SBF2: variants seen among roughly 807,000 people sequenced by gnomAD.
SBF2 encodes SET binding factor 2.
Under a neutral mutation model 225.2 loss-of-function variants are expected in SBF2, and 112 were observed. The observed-to-expected ratio is 0.50, with a 90% CI of 0.43 to 0.58. The LOEUF (loss-of-function observed/expected upper bound fraction) is 0.58. SBF2 is among the 20% of genes least tolerant of loss of function. The pLI, the probability that SBF2 is intolerant of heterozygous loss-of-function variation, is 0.00. For missense variants in SBF2, 1,996 were observed against 2,206.2 expected, an observed-to-expected ratio of 0.90 and a Z score of 1.91; for synonymous variants, 763 against 773.3, an observed-to-expected ratio of 0.99 and a Z score of 0.22.
At chr11:10,003,592 C>T (rs1948067817) in intron 6 of SBF2, among the ~76,000 whole-genome samples, 1 of 152,110 alleles carries the variant, frequency 6.6e-6, no homozygotes, top group Non-Finnish European at 1.5e-5. Flanking sequence ...TGGTCTTGCT[C>T]TCCTGACTTG....
At chr11:9,844,019 G>A (rs1856364461) in intron 24 of SBF2, 1 of 152,030 alleles carries the variant, frequency 6.6e-6, no homozygotes, top group South Asian at 2.1e-4. Flanking sequence ...GCTTGATACA[G>A]GTATATATTT....
intron 17 of SBF2, among the ~76,000 whole-genome samples, chr11:9,860,647 G>A (rs1464618896): frequency 6.6e-6 from 1 of 152,018 alleles, no homozygotes; most frequent in East Asian, 1.9e-4. Flanking sequence ...AGATTTTAAA[G>A]GCACTAAATT....
At chr11:10,169,944 C>A (rs566560740) in intron 2 of SBF2, among the ~76,000 whole-genome samples, 1 of 152,156 alleles carries the variant, frequency 6.6e-6, no homozygotes, top group African/African-American at 2.4e-5. Flanking sequence ...ATGCTGAGCA[C>A]CTTTTCATAT....
intron 12 of SBF2, among the ~76,000 whole-genome samples, chr11:9,991,470 G>A (rs1480386082): frequency 8.5e-5 from 13 of 152,084 alleles, no homozygotes; most frequent in Non-Finnish European, 2.9e-5. Context: ...ATCACCAGAA[G>A]CAAAACATGA....
At chr11:10,260,285 AAAG>A (rs1293691032) in intron 1 of SBF2, among the ~76,000 whole-genome samples, 1 of 152,210 alleles carries the variant, frequency 6.6e-6, no homozygotes, top group Non-Finnish European at 1.5e-5. Context: ...TGGCATATGC[AAAG>A]AAGAGCCAAT....
At chr11:9,900,293 A>G (rs553845068) in intron 16 of SBF2, among the ~76,000 whole-genome samples, 11 of 152,246 alleles carry the variant, frequency 7.2e-5, no homozygotes, top group Admixed American at 2.0e-4. Context: ...TTTGCCTTCT[A>G]CTTTTAAACT....
At position 9,832,224 on chromosome 11, in the gene SBF2, C is replaced by T. The variant is rs763594624; in HGVS notation, c.3652G>A (p.Ala1218Thr). Residue 1218 changes from alanine to threonine, a missense_variant and splice_region_variant, in exon 27 of 40, where the codon GCT becomes ACT. Transcript: ENST00000256190. ...AATTGTGTTATAGAGAGATGCTTACCGGCCTGAGGGGAGTTCTGAGATTTG... is the reference window on the plus strand; with the variant it reads ...AATTGTGTTATAGAGAGATGCTTACTGGCCTGAGGGGAGTTCTGAGATTTG... ...LFKSQNSPQA[A>T]PTSSLESSSS... 2.3e-5 allele frequency: 37 copies of T among 1,611,072 alleles called. No homozygotes were observed. The highest frequency in any genetic ancestry group is 2.9e-5 in the Non-Finnish European group (34 of 1,177,576).
chr11:9,926,803 G>C (rs1422362898), intron 16 of SBF2, among the ~76,000 whole-genome samples: 3 of 152,056 alleles, frequency 2.0e-5, no homozygotes, highest in Non-Finnish European at 4.4e-5. Flanking sequence ...AAGAAGAAAG[G>C]TTTCAAATCA....
chr11:9,780,043 C>T lies in SBF2; in HGVS notation c.*375G>A, dbSNP rs533676532. On this transcript the variant is annotated 3_prime_UTR_variant, in exon 40 of 40. Coordinates refer to ENST00000256190, the MANE Select transcript of SBF2 (RefSeq NM_030962.4). The stretch of plus-strand genomic sequence containing the variant: ...GATTTTTGCTTGTTAAACAGGTCTC[C>T]GAGGAAATTATGACCTCAGAGAACA... The T allele has an allele frequency of 3.5e-5, 10 of 289,022 alleles. No homozygotes were observed. Among genetic ancestry groups the T allele is most frequent in the Non-Finnish European group, 4.8e-5 (7 of 146,042 alleles). The allele number at this position is 289,022 out of a possible 1,614,324, so 17.9% of individuals were successfully genotyped here.
chr11:10,179,526 C>G (rs888167895), intron 2 of SBF2, among the ~76,000 whole-genome samples: 1 of 152,046 alleles, frequency 6.6e-6, no homozygotes. Flanking sequence ...CTATAGATAT[C>G]TATTAGGTAC....
At chr11:10,282,907 A>AG (rs1963510124) in intron 1 of SBF2, among the ~76,000 whole-genome samples, 1 of 152,172 alleles carries the variant, frequency 6.6e-6, no homozygotes, top group Admixed American at 6.5e-5. Context: ...AACCCACTCA[A>AG]GCATCAAAGC....
intron 28 of SBF2, among the ~76,000 whole-genome samples, chr11:9,818,959 T>C (rs1300411682): frequency 6.6e-6 from 1 of 152,124 alleles, no homozygotes; most frequent in Admixed American, 6.5e-5. Flanking sequence ...CGACCTCAGG[T>C]GATCCGCCCG....
At chr11:9,990,905 G>A (rs1017454423) in intron 12 of SBF2, among the ~76,000 whole-genome samples, 6 of 152,102 alleles carry the variant, frequency 3.9e-5, no homozygotes, top group Admixed American at 2.6e-4. Flanking sequence ...TCCAAGCAAG[G>A]GAAAGACCTA....
At chr11:10,294,274 C>T (rs984060811), upstream of SBF2, 4 of 382,836 alleles carry the variant, frequency 1.0e-5, no homozygotes, top group East Asian at 4.1e-5. Flanking sequence ...CGCGCTGGCT[C>T]GGCTGCCCCA....
intron 38 of SBF2, among the ~76,000 whole-genome samples, chr11:9,783,983 A>T (rs1394541839): frequency 6.6e-6 from 1 of 152,212 alleles, no homozygotes; most frequent in Non-Finnish European, 1.5e-5. Context: ...GCATAGGCTT[A>T]TATGTGCATG....
At chr11:10,064,143 G>T (rs1233852065) in intron 2 of SBF2, among the ~76,000 whole-genome samples, 1 of 151,998 alleles carries the variant, frequency 6.6e-6, no homozygotes, top group Admixed American at 6.6e-5. Flanking sequence ...GCAGCATGGG[G>T]TTTATAGCAT....
intron 1 of SBF2, among the ~76,000 whole-genome samples, chr11:10,202,816 C>T (rs1204607648): frequency 6.6e-6 from 1 of 152,122 alleles, no homozygotes; most frequent in Non-Finnish European, 1.5e-5. Flanking sequence ...AAAATCATTA[C>T]CTTAGGGACT....
At chr11:9,950,257 C>A (rs1383705738) in intron 16 of SBF2, among the ~76,000 whole-genome samples, 1 of 152,054 alleles carries the variant, frequency 6.6e-6, no homozygotes, top group Non-Finnish European at 1.5e-5. Flanking sequence ...GCTTTCCTGA[C>A]AAATGACTAT....
intron 2 of SBF2, among the ~76,000 whole-genome samples, chr11:10,125,538 G>A (rs182105102): frequency 6.6e-6 from 1 of 152,220 alleles, no homozygotes; most frequent in East Asian, 1.9e-4. Context: ...GTGTCTGTCT[G>A]TCATATCTTT....
Sources: allele counts gnomAD v4.1 joint callset (sites outside exome capture counted in the v4.1 genomes callset), GRCh38; gene constraint gnomAD v4.1.1; transcripts MANE v1.5; gene names NCBI Gene and HGNC (gene_info 2026-07-23, HGNC 2026-07-21).